TRPC4AP: variants seen among roughly 807,000 people sequenced by gnomAD.
TRPC4AP encodes the protein transient receptor potential cation channel subfamily C member 4 associated protein.
In TRPC4AP, 45 loss-of-function variants were observed where a neutral mutation model predicts 99.0. The ratio of observed to expected loss-of-function variants is 0.45; its 90% CI spans 0.36 to 0.58. The LOEUF (loss-of-function observed/expected upper bound fraction) is 0.58, where lower values mean the gene tolerates loss of function less well. Among genes scored for constraint, TRPC4AP ranks in the 20% least tolerant of loss-of-function variants. TRPC4AP has a pLI of 0.00. For synonymous variants in TRPC4AP, 408 were observed against 385.8 expected (o/e 1.06, Z -0.67); for missense variants, 879 against 985.3 (o/e 0.89, Z 1.44).
chr20:35,002,793 A>T lies in TRPC4AP; in HGVS notation c.*353T>A, dbSNP rs908954344. 1 of 213,992 alleles carries T rather than the reference A, an allele frequency of 4.7e-6. No individual in the cohort carries two copies. Among genetic ancestry groups the T allele is most frequent in the Non-Finnish European group, 9.4e-6 (1 of 106,542 alleles). 13.3% of individuals were successfully genotyped at this position (213,992 alleles called of 1,614,324 possible). A position where few individuals can be genotyped will look rare whatever the true frequency, so the allele number is the denominator to read the frequency against. On this transcript the variant is annotated 3_prime_UTR_variant, in exon 19 of 19. Transcript: ENST00000252015. ...CACAGATGGGGGGTGGGGGTCACCC[A>T]TATCTTCCTCCCCACTCTGGGACTG...
chr20:35,054,321 TA>T (rs1346727635), intron 5 of TRPC4AP, among the ~76,000 whole-genome samples: 2 of 152,234 alleles, frequency 1.3e-5, no homozygotes, highest in African/African-American at 4.8e-5. Flanking sequence ...CTGTATCTTT[TA>T]AAAACTAACA....
intron 8 of TRPC4AP, among the ~76,000 whole-genome samples, chr20:35,029,552 T>C (rs113987460): frequency 1.7e-4 from 26 of 151,892 alleles, no homozygotes; most frequent in African/African-American, 5.6e-4. Context: ...CTTTAGTGTT[T>C]CTTTTGATTA....
chr20:35,076,296 G>A (rs1397127701), intron 2 of TRPC4AP, among the ~76,000 whole-genome samples: 23 of 152,194 alleles, frequency 1.5e-4, no homozygotes, highest in East Asian at 9.7e-4. Flanking sequence ...GCTTTGTTCC[G>A]TTGCTGGTGA....
intron 4 of TRPC4AP, among the ~76,000 whole-genome samples, chr20:35,055,938 T>C (rs2083815696): frequency 6.6e-6 from 1 of 152,244 alleles, no homozygotes; most frequent in African/African-American, 2.4e-5. Flanking sequence ...CAAAAGATGA[T>C]GAAACTGAGT....
chr20:35,043,639 CTAT>C (rs1393502677), intron 7 of TRPC4AP, among the ~76,000 whole-genome samples: 1 of 152,226 alleles, frequency 6.6e-6, no homozygotes, highest in Middle Eastern at 3.4e-3. Flanking sequence ...CCTATATATA[CTAT>C]GTTTTTTCTT....
chr20:35,055,037 A>G lies in TRPC4AP; in HGVS notation c.473-6T>C. ...CTTGGACATTTCATCACTTACTGAAAGTGAAAGGGTAATGACTGGTTATTT... is the reference window on the plus strand; with the variant it reads ...CTTGGACATTTCATCACTTACTGAAGGTGAAAGGGTAATGACTGGTTATTT... On this transcript the variant is annotated splice_region_variant and splice_polypyrimidine_tract_variant and intron_variant, in intron 4 of 18. Transcript: ENST00000252015. The G allele has an allele frequency of 6.2e-7, 1 of 1,613,152 alleles. No individual in the cohort carries two copies. Among genetic ancestry groups the G allele is most frequent in the Non-Finnish European group, 8.5e-7 (1 of 1,179,340 alleles).
intron 9 of TRPC4AP, among the ~76,000 whole-genome samples, chr20:35,018,623 A>AG (rs2082811344): frequency 1.4e-5 from 2 of 146,950 alleles, no homozygotes; most frequent in East Asian, 1.9e-4. Context: ...AAAAAAAAAA[A>AG]AAAGAAAGAA....
chr20:35,024,107 T>C (rs1427427928), intron 8 of TRPC4AP, among the ~76,000 whole-genome samples: 1 of 149,882 alleles, frequency 6.7e-6, no homozygotes, highest in Non-Finnish European at 1.5e-5. Flanking sequence ...CACTGCACTG[T>C]TTTCTGCGGA....
intron 1 of TRPC4AP, among the ~76,000 whole-genome samples, chr20:35,091,084 G>A (rs970522405): frequency 6.7e-6 from 1 of 149,666 alleles, no homozygotes; most frequent in Non-Finnish European, 1.5e-5. Flanking sequence ...GTCTCACTCT[G>A]TCAATCTCCG....
At chr20:35,029,846 C>T (rs1452818065) in intron 8 of TRPC4AP, among the ~76,000 whole-genome samples, 2 of 148,416 alleles carry the variant, frequency 1.3e-5, no homozygotes, top group African/African-American at 2.4e-5. Flanking sequence ...CCACGTTAGC[C>T]AGGGTGGTCT....
chr20:35,074,185 G>A lies in TRPC4AP; in HGVS notation c.297+3861C>T, dbSNP rs193081523. Among the ~76,000 whole-genome samples, 445 of 152,014 alleles carry A rather than the reference G, an allele frequency of 2.9e-3. 2 individuals are homozygous for A. The highest frequency in any genetic ancestry group is 4.5e-3 in the Non-Finnish European group (309 of 67,984). On this transcript the variant is annotated intron_variant, in intron 2 of 18. Coordinates refer to ENST00000252015, the MANE Select transcript of TRPC4AP (RefSeq NM_015638.3). ...CTCTTTTCTTATTAGTCTTGCTAGC[G>A]GTCTTTCAATTTTGTTGATCTTTTC...
rs1397780392 is a variant in TRPC4AP, at chr20:35,035,145, A to G, written c.1029T>C (p.Asn343=). ...TACCTTGATTGTGCTCTGACTCCTCATTGGCCACTCGCATCAGGGCATCTA... is the reference window on the plus strand; with the variant it reads ...TACCTTGATTGTGCTCTGACTCCTCGTTGGCCACTCGCATCAGGGCATCTA... ...LVLDALMRVA[N]EESEHNQASI... Residue 343 remains asparagine, a synonymous_variant, in exon 8 of 19, where the codon AAT becomes AAC. Coordinates refer to ENST00000252015, the MANE Select transcript of TRPC4AP (RefSeq NM_015638.3). 1 of 1,613,904 alleles carries G rather than the reference A, an allele frequency of 6.2e-7. No homozygotes were observed. Among genetic ancestry groups the G allele is most frequent in the Middle Eastern group, 1.6e-4 (1 of 6,062 alleles).
intron 7 of TRPC4AP, among the ~76,000 whole-genome samples, chr20:35,038,302 TG>T (rs1222215219): frequency 5.3e-5 from 8 of 151,644 alleles, no homozygotes; most frequent in Non-Finnish European, 1.0e-4. Flanking sequence ...CATATCAGCT[TG>T]GCAAATATAA....
chr20:35,069,252 T>C lies in TRPC4AP; in HGVS notation c.414+44A>G, dbSNP rs144792110. 215 of 1,108,520 alleles carry C rather than the reference T, an allele frequency of 1.9e-4. 1 individual carries two copies. In the African/African-American group the frequency reaches 2.7e-3, roughly 14 times the overall value. The allele number at this position is 1,108,520 out of a possible 1,614,324, so 68.7% of individuals were successfully genotyped here. On this transcript the variant is annotated intron_variant, in intron 3 of 18. Coordinates refer to ENST00000252015, the MANE Select transcript of TRPC4AP (RefSeq NM_015638.3). ...TTTCAAAAGTTAAATTCCCAAACCA[T>C]TAAGCAGTAGTAACAGCAGTAGTAA...
chr20:35,074,236 A>AT (rs1600648037), intron 2 of TRPC4AP, among the ~76,000 whole-genome samples: 1 of 152,000 alleles, frequency 6.6e-6, no homozygotes, highest in Admixed American at 6.6e-5. Flanking sequence ...GGATTCATTG[A>AT]TTTTTTGAAG....
At chr20:35,060,144 G>A (rs996800297) in intron 3 of TRPC4AP, among the ~76,000 whole-genome samples, 1 of 152,140 alleles carries the variant, frequency 6.6e-6, no homozygotes, top group Non-Finnish European at 1.5e-5. Context: ...AGAAGAGAAG[G>A]AAACATTTCC....
chr20:35,092,562 CCAGCT>C, intron 1 of TRPC4AP, 47 bp downstream of exon 1: 1 of 1,395,402 alleles, frequency 7.2e-7, no homozygotes, highest in Non-Finnish European at 9.3e-7. Context: ...CGGCCCCCCG[CCAGCT>C]CCCGCCTGGT....
Position 35,068,980 on chromosome 20 carries a change from A to ACACAC in TRPC4AP, c.414+315_414+316insGTGTG, listed in dbSNP as rs879395518. On this transcript the variant is annotated intron_variant, in intron 3 of 18. Transcript: ENST00000252015. The stretch of plus-strand genomic sequence containing the variant: ...ACACACACACACACACACACACACA[A>ACACAC]AAAAAACAAAACATCTTAAGCAGGA... Among the ~76,000 whole-genome samples the ACACAC allele has an allele frequency of 8.4e-5, 6 of 71,608 alleles. No individual in the cohort carries two copies. In the South Asian group the frequency reaches 1.3e-3, roughly 16 times the overall value. The allele number at this position is 71,608 out of a possible 152,430, so 47.0% of individuals were successfully genotyped here.
chr20:35,083,356 T>A (rs1461458664), intron 1 of TRPC4AP, among the ~76,000 whole-genome samples: 1 of 151,982 alleles, frequency 6.6e-6, no homozygotes, highest in Non-Finnish European at 1.5e-5. Flanking sequence ...TCCCAGCACT[T>A]TGGGAGGCTA....
Sources: gnomAD v4.1 joint callset for allele counts (sites outside exome capture counted in the v4.1 genomes callset) on GRCh38, gnomAD v4.1.1 for gene constraint, MANE v1.5 for transcripts, NCBI Gene and HGNC (gene_info 2026-07-23, HGNC 2026-07-21) for gene names.